The following GRM7 variants were observed in gnomAD, a reference collection of about 807,000 sequenced individuals.
The protein encoded by GRM7 is glutamate metabotropic receptor 7.
A neutral mutation model predicts 84.5 loss-of-function variants in GRM7; 35 were observed. The ratio of observed to expected loss-of-function variants is 0.41; its 90% CI spans 0.32 to 0.55. The LOEUF is 0.55. Among genes scored for constraint, GRM7 ranks in the 20% least tolerant of loss-of-function variants. The probability of loss-of-function intolerance (pLI) is 0.19; values close to 1 mark genes in which losing one functional copy is unlikely to be tolerated. For synonymous variants in GRM7, 487 were observed against 455.1 expected, an observed-to-expected ratio of 1.07 and a Z score of -0.89; for missense variants, 1,003 against 1,194.6, an observed-to-expected ratio of 0.84 and a Z score of 2.36.
chr3:7,408,533 A>G (rs192882960), intron 4 of GRM7, among the ~76,000 whole-genome samples: 7 of 152,318 alleles, frequency 4.6e-5, no homozygotes, highest in South Asian at 2.1e-4. Flanking sequence ...CATTAGATCA[A>G]TAATGATCTA....
At chr3:7,118,537 C>A (rs1356379851) in intron 1 of GRM7, among the ~76,000 whole-genome samples, 1 of 150,102 alleles carries the variant, frequency 6.7e-6, no homozygotes, top group Non-Finnish European at 1.5e-5. Context: ...CAATAGTTTG[C>A]TGTTGATATA....
chr3:7,730,485 C>G (rs1702288355), intron 9 of GRM7, among the ~76,000 whole-genome samples: 1 of 152,170 alleles, frequency 6.6e-6, no homozygotes, highest in Non-Finnish European at 1.5e-5. Flanking sequence ...GAACCAGAAA[C>G]TGTTCGAGGA....
At chr3:6,883,080 C>A in intron 1 of GRM7, among the ~76,000 whole-genome samples, 1 of 152,034 alleles carries the variant, frequency 6.6e-6, no homozygotes, top group East Asian at 1.9e-4. Context: ...CCAGCATTAG[C>A]CATTTATTTC....
Position 7,399,069 on chromosome 3 carries a change from T to C in GRM7, c.1034-15954T>C, listed in dbSNP as rs114827157. 7.5e-3 allele frequency among the ~76,000 whole-genome samples: 1,137 copies of C among 152,170 alleles called. 14 individuals carry two copies. The highest frequency in any genetic ancestry group is 0.024 in the African/African-American group (1,017 of 41,520). Reference sequence around the variant, plus strand: ...CAGCATCATAGGCATTTTCTTGGCTTCTGAATCTACAGCTTTACCCTTCAG... The same window carrying C: ...CAGCATCATAGGCATTTTCTTGGCTCCTGAATCTACAGCTTTACCCTTCAG... On this transcript the variant is annotated intron_variant, in intron 4 of 9. Transcript: ENST00000357716.
In GRM7 at chr3:7,078,651, A is replaced by T. The variant is rs145490868; in HGVS notation, c.520-67801A>T. On this transcript the variant is annotated intron_variant, in intron 1 of 9. Transcript: ENST00000357716. ...TTAATTAAAATTAAAGCCAAACCAT[A>T]TGGGATGATGAATAGGATTTATTCA... Among the ~76,000 whole-genome samples the T allele has an allele frequency of 2.1e-4, 32 of 152,308 alleles. No homozygotes were observed. The East Asian group carries it at 5.0e-3, about 24-fold the overall frequency.
At chr3:7,022,367 G>GCACACACACACA (rs71307753) in intron 1 of GRM7, among the ~76,000 whole-genome samples, 58,626 of 145,404 alleles carry the variant, frequency 0.4, 12,925 homozygotes, top group Admixed American at 0.48. Context: ...ACACACACAT[G>GCACACACACACA]CACACACACA....
At chr3:6,993,560 G>A (rs528096036) in intron 1 of GRM7, among the ~76,000 whole-genome samples, 181 of 152,280 alleles carry the variant, frequency 1.2e-3, no homozygotes, top group African/African-American at 4.2e-3. Context: ...TTGTACTGTA[G>A]TTGGTGATTT....
At chr3:6,959,993 T>C (rs867696971) in intron 1 of GRM7, among the ~76,000 whole-genome samples, 4 of 152,308 alleles carry the variant, frequency 2.6e-5, no homozygotes, top group Middle Eastern at 3.4e-3. Flanking sequence ...GAGGTCAGAC[T>C]AATAGAAGAT....
chr3:7,373,792 C>G (rs1694234299), intron 4 of GRM7, among the ~76,000 whole-genome samples: 1 of 145,202 alleles, frequency 6.9e-6, no homozygotes, highest in Non-Finnish European at 1.5e-5. Flanking sequence ...GTTCAACAGA[C>G]CGTTCTGTGA....
At chr3:7,154,176 A>C (rs552557011) in intron 2 of GRM7, among the ~76,000 whole-genome samples, 1 of 152,328 alleles carries the variant, frequency 6.6e-6, no homozygotes, top group Non-Finnish European at 1.5e-5. Context: ...CTGGCTTTTA[A>C]ACCAAGAACA....
intron 3 of GRM7, among the ~76,000 whole-genome samples, chr3:7,300,838 A>G (rs181053699): frequency 1.3e-5 from 2 of 151,840 alleles, no homozygotes; most frequent in South Asian, 2.1e-4. Context: ...TAATGTCTGT[A>G]TTCTTCACTA....
chr3:7,301,418 T>G (rs1206133978), intron 3 of GRM7, among the ~76,000 whole-genome samples: 4 of 152,220 alleles, frequency 2.6e-5, no homozygotes, highest in African/African-American at 9.6e-5. Context: ...ACCCTTCTTA[T>G]TCATCTTATA....
intron 1 of GRM7, among the ~76,000 whole-genome samples, chr3:7,093,287 G>A (rs1698731106): frequency 6.6e-6 from 1 of 151,976 alleles, no homozygotes; most frequent in East Asian, 1.9e-4. Flanking sequence ...TGTGATGGAG[G>A]AGGCAAGTAT....
chr3:7,004,215 T>C (rs1398431895), intron 1 of GRM7, among the ~76,000 whole-genome samples: 3 of 152,122 alleles, frequency 2.0e-5, no homozygotes, highest in Non-Finnish European at 2.9e-5. Context: ...ATAATTAGTA[T>C]GGATAACAGG....
intron 7 of GRM7, among the ~76,000 whole-genome samples, chr3:7,521,457 T>A (rs1433130456): frequency 6.6e-6 from 1 of 152,106 alleles, no homozygotes; most frequent in African/African-American, 2.4e-5. Context: ...GCAAGGAAGA[T>A]CCCTTGCCCC....
intron 2 of GRM7, among the ~76,000 whole-genome samples, chr3:7,156,890 A>AT (rs1694467609): frequency 6.6e-6 from 1 of 152,056 alleles, no homozygotes; most frequent in Admixed American, 6.6e-5. Context: ...TTTTCAAAAC[A>AT]TTTTTGAGAA....
intron 7 of GRM7, among the ~76,000 whole-genome samples, chr3:7,539,470 T>G (rs185240184): frequency 7.6e-6 from 1 of 132,186 alleles, no homozygotes; most frequent in Non-Finnish European, 1.7e-5. Flanking sequence ...AGGTCCGGAG[T>G]TCAAGACTAG....
rs539198914 is a variant in GRM7 at position 7,356,031 on chromosome 3, C to T, written c.1033+49379C>T. On this transcript the variant is annotated intron_variant, in intron 4 of 9. Transcript: ENST00000357716. ...GGATGTTGGTGAAGGGAAGTCTTCC[C>T]CATAGGCAGAACTTCAGCCAGTGCA... Among the ~76,000 whole-genome samples, 3 of 152,130 alleles carry T rather than the reference C, an allele frequency of 2.0e-5. No individual in the cohort carries two copies. In the South Asian group the frequency reaches 6.2e-4, roughly 32 times the overall value.
intron 8 of GRM7, among the ~76,000 whole-genome samples, chr3:7,626,536 C>T (rs1697621396): frequency 6.6e-6 from 1 of 152,158 alleles, no homozygotes; most frequent in Non-Finnish European, 1.5e-5. Context: ...TTGGCTCCTT[C>T]TGAGAGCTGT....
Sources: gnomAD v4.1 joint callset for allele counts (sites outside exome capture counted in the v4.1 genomes callset) on GRCh38, gnomAD v4.1.1 for gene constraint, MANE v1.5 for transcripts, NCBI Gene and HGNC (gene_info 2026-07-23, HGNC 2026-07-21) for gene names.